The following SUPT5H variants were observed in gnomAD, a reference collection of about 807,000 sequenced individuals.
SUPT5H encodes the protein transcription elongation factor SPT5.
In SUPT5H, 24 loss-of-function variants were observed where a neutral mutation model predicts 142.5. The observed-to-expected ratio is 0.17, with a 90% CI of 0.12 to 0.24. SUPT5H has a LOEUF of 0.24. SUPT5H is among the 10% of genes least tolerant of loss of function. The pLI is 1.00. For synonymous variants in SUPT5H, 546 were observed against 553.0 expected, an observed-to-expected ratio of 0.99 and a Z score of 0.18; for missense variants, 893 against 1,471.8, an observed-to-expected ratio of 0.61 and a Z score of 6.43.
chr19:39,471,157 A>C (rs1226461674), intron 18 of SUPT5H, among the ~76,000 whole-genome samples, 200 bp from the exon 19 acceptor site: 1 of 152,110 alleles, frequency 6.6e-6, no homozygotes, highest in Non-Finnish European at 1.5e-5. Context: ...GTGTTTTAGA[A>C]TGACTGGGAA....
At chr19:39,449,905 G>T (rs1309294864) in intron 2 of SUPT5H, among the ~76,000 whole-genome samples, 1 of 150,872 alleles carries the variant, frequency 6.6e-6, no homozygotes, top group Non-Finnish European at 1.5e-5. Context: ...CTCCCAAAGT[G>T]CTGGGATTAC....
chr19:39,475,461 A>G (rs1184915093), intron 28 of SUPT5H, among the ~76,000 whole-genome samples: 1 of 150,560 alleles, frequency 6.6e-6, no homozygotes, highest in Non-Finnish European at 1.5e-5. Flanking sequence ...ACCAGCCTGG[A>G]GGACCTAGAC....
intron 13 of SUPT5H, chr19:39,467,628 T>C (rs1223805167): frequency 6.6e-6 from 1 of 152,138 alleles, no homozygotes; most frequent in Non-Finnish European, 1.5e-5. Flanking sequence ...CCAGACTCCC[T>C]AGCTGGGTAG....
chr19:39,468,730 A>G, intron 13 of SUPT5H, 26 bp from the exon 14 acceptor site: 2 of 1,603,944 alleles, frequency 1.2e-6, no homozygotes, highest in East Asian at 4.5e-5. Context: ...CTCCCTTCTA[A>G]TCTTCTCTCC....
chr19:39,463,695 T>G (rs1004526290), intron 10 of SUPT5H, among the ~76,000 whole-genome samples: 21 of 152,226 alleles, frequency 1.4e-4, no homozygotes, highest in African/African-American at 4.8e-4. Flanking sequence ...TGCTCAAGTG[T>G]TCTCTTTCCT....
chr19:39,458,590 A>C lies in SUPT5H; in HGVS notation c.320-228A>C. 1 of 697,492 alleles carries C rather than the reference A, an allele frequency of 1.4e-6. No homozygotes were observed. The highest frequency in any genetic ancestry group is 1.8e-5 in the African/African-American group (1 of 55,946). 43.2% of individuals were successfully genotyped at this position (697,492 alleles called of 1,614,324 possible). A position where few individuals can be genotyped will look rare whatever the true frequency, so the allele number is the denominator to read the frequency against. ...GGTGTGCCTGGACTTTGAGATGGGA[A>C]CAGCTGGAAGCCCCCCAACTTGCTG... On this transcript the variant is annotated intron_variant, in intron 5 of 29. Transcript: ENST00000432763. This position sits in a 1 kb window ranked among gnomAD's most constrained non-coding sequence, Gnocchi z 4.2.
In SUPT5H at chr19:39,452,809, G is replaced by T. The variant is rs74660705; in HGVS notation, c.76-547G>T. On this transcript the variant is annotated intron_variant, in intron 2 of 29. Transcript: ENST00000432763. ...ATGGATCACCTGAGGTCAAGAGTTC[G>T]AGACCAGCCTGGCCAACATGGTGAA... is the stretch of plus-strand genomic sequence containing the variant. Among the ~76,000 whole-genome samples the T allele has an allele frequency of 2.6e-5, 4 of 151,938 alleles. 1 individual carries two copies. The highest frequency in any genetic ancestry group is 2.6e-4 in the Admixed American group (4 of 15,232).
In SUPT5H at chr19:39,445,625, T is replaced by G. The variant is rs1398128581; in HGVS notation, c.-100T>G. 1 of 466,228 alleles carries G rather than the reference T, an allele frequency of 2.1e-6. No individual in the cohort carries two copies. The highest frequency in any genetic ancestry group is 3.3e-5 in the East Asian group (1 of 30,064). The allele number at this position is 466,228 out of a possible 1,614,324, so 28.9% of individuals were successfully genotyped here. ...CAGCAGCTGGTACCGAAGGCGGAGG[T>G]GGAGCCCGAGAGGTAAGTGCGTGTG... On this transcript the variant is annotated 5_prime_UTR_variant, in exon 1 of 30. Transcript: ENST00000432763.
intron 10 of SUPT5H, among the ~76,000 whole-genome samples, chr19:39,463,575 G>A (rs1212899820): frequency 3.9e-5 from 6 of 152,200 alleles, no homozygotes; most frequent in African/African-American, 1.4e-4. Flanking sequence ...AGTGCATTCT[G>A]CTGTTGTTAG....
chr19:39,455,135 A>G (rs1314727627), intron 3 of SUPT5H, among the ~76,000 whole-genome samples: 15 of 152,240 alleles, frequency 9.9e-5, no homozygotes, highest in Admixed American at 9.8e-4. Flanking sequence ...GGTGACCTAA[A>G]TGTTTATTGA....
intron 10 of SUPT5H, among the ~76,000 whole-genome samples, chr19:39,464,276 TGCCCG>T: frequency 6.6e-6 from 1 of 152,210 alleles, no homozygotes; most frequent in Non-Finnish European, 1.5e-5. Context: ...TGAGCCACCG[TGCCCG>T]GCTCTAGTTG....
In SUPT5H at chr19:39,469,182, C is replaced by T. The variant is rs769970708; in HGVS notation, c.1237+10C>T. ...GTGACTGAGAGCACAGGTATTTGAT[C>T]CCCCTCTATAACCTGGGCCAAGGAG... On this transcript the variant is annotated intron_variant, in intron 15 of 29. Coordinates refer to ENST00000432763, the MANE Select transcript of SUPT5H (RefSeq NM_001111020.3). The surrounding 1 kb of genome is among the most constrained non-coding windows in gnomAD (Gnocchi z 5.1). 1.2e-6 allele frequency: 2 copies of T among 1,614,194 alleles called. No homozygotes were observed. Among genetic ancestry groups the T allele is most frequent in the Non-Finnish European group, 1.7e-6 (2 of 1,180,030 alleles).
chr19:39,459,420 G>T, intron 8 of SUPT5H, 139 bp from the exon 9 acceptor site: 2 of 1,344,274 alleles, frequency 1.5e-6, no homozygotes, highest in Non-Finnish European at 2.1e-6. Context: ...TCTTGCTCCT[G>T]GGTAGAAGCG....
rs1436584821 is a variant in SUPT5H, at chr19:39,466,122, G to A, written c.877-358G>A. Among the ~76,000 whole-genome samples the A allele has an allele frequency of 6.6e-6, 1 of 152,180 alleles. No individual in the cohort carries two copies. The highest frequency in any genetic ancestry group is 1.5e-5 in the Non-Finnish European group (1 of 68,042). ...GCTGATGGAATTTGCCAACGGGTCG[G>A]GTGTGGGTGTAAGAGAAACAAAGGA... On this transcript the variant is annotated intron_variant, in intron 11 of 29. Coordinates refer to ENST00000432763, the MANE Select transcript of SUPT5H (RefSeq NM_001111020.3). This position sits in a 1 kb window ranked among gnomAD's most constrained non-coding sequence, Gnocchi z 4.3.
intron 3 of SUPT5H, among the ~76,000 whole-genome samples, chr19:39,456,654 A>G (rs1166900643): frequency 2.0e-5 from 3 of 151,486 alleles, no homozygotes; most frequent in Non-Finnish European, 4.4e-5. Flanking sequence ...TCCTGTCCTC[A>G]TGATCCACCC....
In SUPT5H at chr19:39,449,554, G is replaced by A. The variant is rs149731100; in HGVS notation, c.75+3589G>A. ...ACAGTGGTCAGGGCTGTGATGGAGG[G>A]AGCCCAGAGAATTGTGAGCATAGAG... On this transcript the variant is annotated intron_variant, in intron 2 of 29. Coordinates refer to ENST00000432763, the MANE Select transcript of SUPT5H (RefSeq NM_001111020.3). Among the ~76,000 whole-genome samples, 105 of 152,186 alleles carry A rather than the reference G, an allele frequency of 6.9e-4. 1 individual carries two copies. The East Asian group carries it at 0.019, about 27-fold the overall frequency.
chr19:39,451,941 A>G (rs1489118491), intron 2 of SUPT5H, among the ~76,000 whole-genome samples: 1 of 152,182 alleles, frequency 6.6e-6, no homozygotes, highest in Non-Finnish European at 1.5e-5. Context: ...GAAGTTTGGT[A>G]TGCATCCATT....
Position 39,472,818 on chromosome 19 carries a change from G to T in SUPT5H, c.2044G>T (p.Gly682Cys), listed in dbSNP as rs143117789. Residue 682 changes from glycine (G) to cysteine (C), a missense_variant, in exon 22 of 30, where the codon GGC becomes TGC. Coordinates refer to ENST00000432763, the MANE Select transcript of SUPT5H (RefSeq NM_001111020.3). This position sits in a 1 kb window ranked among gnomAD's most constrained non-coding sequence, Gnocchi z 4.2. ...TTCTCCCCAATCCCCAGGTCAGCGTGGCGGCTTTGGTAGCCCAGGTGGCGG... is the reference window on the plus strand; with the variant it reads ...TTCTCCCCAATCCCCAGGTCAGCGTTGCGGCTTTGGTAGCCCAGGTGGCGG... ...PMHPSAGGQRGGFGSPGGGSG... is the reference protein window; with the variant it reads ...PMHPSAGGQRCGFGSPGGGSG... 1.9e-6 allele frequency: 3 copies of T among 1,612,756 alleles called. No homozygotes were observed.
In SUPT5H at chr19:39,468,862, G is replaced by A. The variant is rs2079278829; in HGVS notation, c.1143+1G>A. 1 of 1,613,946 alleles carries A rather than the reference G, an allele frequency of 6.2e-7. No homozygotes were observed. The highest frequency in any genetic ancestry group is 1.7e-5 in the Admixed American group (1 of 60,006). On this transcript the variant is annotated splice_donor_variant, in intron 14 of 29. Transcript: ENST00000432763. LOFTEE classifies it high-confidence loss of function. ...CAAGAGCTTCGCCATGTCTGCTGTG[G>A]TGAGGGTCCCAGAGGGGTGTTGGTA...
Sources: gnomAD v4.1 joint callset for allele counts (sites outside exome capture counted in the v4.1 genomes callset) on GRCh38, gnomAD v4.1.1 for gene constraint, Gnocchi (gnomAD v3.1) non-coding constraint, MANE v1.5 for transcripts, NCBI Gene and HGNC (gene_info 2026-07-23, HGNC 2026-07-21) for gene names.